The following CDH18 variants were observed in gnomAD, a reference collection of about 807,000 sequenced individuals.
The protein encoded by CDH18 is cadherin 18.
CDH18 carries 31 observed loss-of-function variants against 67.9 expected under a neutral mutation model. The observed-to-expected ratio is 0.46, with a 90% CI of 0.34 to 0.62. The LOEUF is 0.62. CDH18 is among the 20% of genes least tolerant of loss of function. The pLI is 0.01. For missense variants in CDH18, 890 were observed against 975.5 expected, an observed-to-expected ratio of 0.91 and a Z score of 1.17; for synonymous variants, 362 against 347.2, an observed-to-expected ratio of 1.04 and a Z score of -0.48.
At chr5:19,714,068 T>G (rs1381964554) in intron 5 of CDH18, among the ~76,000 whole-genome samples, 1 of 152,148 alleles carries the variant, frequency 6.6e-6, no homozygotes, top group East Asian at 1.9e-4. Flanking sequence ...GTGACTTCAT[T>G]GAGGTCCTTT....
intron 2 of CDH18, among the ~76,000 whole-genome samples, chr5:20,083,680 A>C (rs753683155): frequency 6.6e-6 from 1 of 152,194 alleles, no homozygotes; most frequent in Non-Finnish European, 1.5e-5. Context: ...AAAGAGGGTT[A>C]ATTGGACTTA....
At chr5:19,627,506 G>A (rs1751725049) in intron 5 of CDH18, among the ~76,000 whole-genome samples, 1 of 152,156 alleles carries the variant, frequency 6.6e-6, no homozygotes, top group Non-Finnish European at 1.5e-5. Flanking sequence ...CAACTGATTG[G>A]TTATGGATGC....
intron 4 of CDH18, among the ~76,000 whole-genome samples, chr5:19,738,573 A>T (rs1230950997): frequency 6.6e-6 from 1 of 152,214 alleles, no homozygotes; most frequent in Non-Finnish European, 1.5e-5. Context: ...GTACCAATTA[A>T]ATCTGTATGA....
At chr5:19,659,324 C>T (rs541580818) in intron 5 of CDH18, among the ~76,000 whole-genome samples, 26 of 152,160 alleles carry the variant, frequency 1.7e-4, no homozygotes, top group African/African-American at 6.3e-4. Context: ...ACATTTATGG[C>T]ATGGCTTTGG....
At chr5:20,107,928 G>A (rs1442117947) in intron 2 of CDH18, among the ~76,000 whole-genome samples, 2 of 117,284 alleles carry the variant, frequency 1.7e-5, no homozygotes, top group Non-Finnish European at 1.6e-5. Context: ...CCCCTTTCTT[G>A]CTGTGTTCAC....
intron 2 of CDH18, among the ~76,000 whole-genome samples, chr5:19,864,230 G>A (rs377279187): frequency 1.3e-5 from 2 of 150,536 alleles, no homozygotes; most frequent in African/African-American, 2.5e-5. Context: ...CCTTTGTAGG[G>A]ACATGGATGA....
At chr5:20,220,649 C>T (rs568264276) in intron 2 of CDH18, among the ~76,000 whole-genome samples, 2 of 151,926 alleles carry the variant, frequency 1.3e-5, no homozygotes, top group Middle Eastern at 3.2e-3. Context: ...TAGGAATCTT[C>T]TGCACAGCAA....
chr5:19,825,907 C>T (rs1780357537), intron 3 of CDH18, among the ~76,000 whole-genome samples: 1 of 151,986 alleles, frequency 6.6e-6, no homozygotes, highest in South Asian at 2.1e-4. Context: ...GTCAGAAATG[C>T]AATTTAGAAC....
At chr5:20,275,608 T>C (rs1303895716) in intron 1 of CDH18, among the ~76,000 whole-genome samples, 3 of 152,152 alleles carry the variant, frequency 2.0e-5, no homozygotes, top group Non-Finnish European at 2.9e-5. Context: ...TCTGAGTACA[T>C]TAAGAATCAT....
chr5:20,367,517 A>G (rs1364864157), intron 1 of CDH18, among the ~76,000 whole-genome samples: 4 of 152,210 alleles, frequency 2.6e-5, no homozygotes, highest in Non-Finnish European at 4.4e-5. Context: ...TAAGGTATTA[A>G]TATTTGCGTT....
Position 20,037,887 on chromosome 5 carries a change from A to C in CDH18, c.-517-45873T>G, listed in dbSNP as rs200194464. Among the ~76,000 whole-genome samples the C allele has an allele frequency of 0.018, 2,668 of 152,198 alleles. 171 individuals are homozygous for C. The East Asian group carries it at 0.25, about 14-fold the overall frequency. ...ACTGAAGGAGACAGAGACACAAAAA[A>C]CCCTTCAAAAAATCAATGAATCCAG... On this transcript the variant is annotated intron_variant, in intron 2 of 14. Coordinates refer to the CDH18 transcript ENST00000507958.
At chr5:19,735,870 A>T (rs1469718318) in intron 4 of CDH18, among the ~76,000 whole-genome samples, 1 of 152,230 alleles carries the variant, frequency 6.6e-6, no homozygotes, top group Non-Finnish European at 1.5e-5. Flanking sequence ...ATATATACAT[A>T]CACTAAACAA....
chr5:19,849,991 G>T (rs1296317157), intron 2 of CDH18, among the ~76,000 whole-genome samples: 1 of 151,598 alleles, frequency 6.6e-6, no homozygotes, highest in Non-Finnish European at 1.5e-5. Flanking sequence ...TCTAACACAG[G>T]ATTTAAATTG....
At chr5:19,979,090 T>C (rs764705661) in intron 2 of CDH18, among the ~76,000 whole-genome samples, 9 of 152,146 alleles carry the variant, frequency 5.9e-5, no homozygotes, top group Admixed American at 1.3e-4. Context: ...TAGTTTATCT[T>C]AGAATATAAA....
In CDH18 at chr5:20,244,605, A is replaced by G. The variant is rs532641440; in HGVS notation, c.-518+10839T>C. 2.0e-5 allele frequency among the ~76,000 whole-genome samples: 3 copies of G among 152,250 alleles called. No homozygotes were observed. In the East Asian group the frequency reaches 5.8e-4, roughly 29 times the overall value. Reference sequence around the variant, plus strand: ...TTAAGTAATAACTTAAGCCTAAAAAATTGACAATTTCATGTTTTGGACTCA... The same window carrying G: ...TTAAGTAATAACTTAAGCCTAAAAAGTTGACAATTTCATGTTTTGGACTCA... On this transcript the variant is annotated intron_variant, in intron 2 of 14. Coordinates refer to the CDH18 transcript ENST00000507958.
At chr5:20,130,642 T>C (rs548998290) in intron 2 of CDH18, among the ~76,000 whole-genome samples, 5 of 152,074 alleles carry the variant, frequency 3.3e-5, no homozygotes, top group African/African-American at 9.7e-5. Context: ...TTGAGAGACA[T>C]TGAACAGTTT....
At chr5:19,738,283 A>C (rs1051958185) in intron 4 of CDH18, among the ~76,000 whole-genome samples, 1 of 152,186 alleles carries the variant, frequency 6.6e-6, no homozygotes, top group Non-Finnish European at 1.5e-5. Flanking sequence ...GGTTGCTCTA[A>C]GATCAATTGT....
intron 3 of CDH18, among the ~76,000 whole-genome samples, chr5:19,824,510 C>T (rs1052623201): frequency 2.0e-5 from 3 of 152,206 alleles, no homozygotes; most frequent in African/African-American, 7.2e-5. Flanking sequence ...TACCATGCTT[C>T]TAGACAGGCA....
At chr5:20,122,923 A>T (rs1197980310) in intron 2 of CDH18, among the ~76,000 whole-genome samples, 1 of 148,236 alleles carries the variant, frequency 6.7e-6, no homozygotes, top group Non-Finnish European at 1.5e-5. Flanking sequence ...CTAGTCTTTC[A>T]TCATTATACA....
Sources: gnomAD v4.1 joint callset for allele counts (sites outside exome capture counted in the v4.1 genomes callset) on GRCh38, gnomAD v4.1.1 for gene constraint, MANE v1.5 for transcripts, NCBI Gene and HGNC (gene_info 2026-07-23, HGNC 2026-07-21) for gene names.